The following DELE1 variants were observed in gnomAD, a reference collection of about 807,000 sequenced individuals.
DELE1 encodes DAP3 binding cell death enhancer 1.
In DELE1, 54 loss-of-function variants were observed where a neutral mutation model predicts 59.3. That is an observed-to-expected ratio of 0.91 (90% CI 0.73 to 1.14). DELE1 has a LOEUF of 1.14. DELE1 is among the 50% of genes most tolerant of loss of function. The pLI is 0.00. For synonymous variants in DELE1, 264 were observed against 259.1 expected (o/e 1.02, Z -0.18); for missense variants, 636 against 643.9 (o/e 0.99, Z 0.13).
chr5:141,934,282 C>G lies in DELE1; in HGVS notation c.940C>G (p.Leu314Val), dbSNP rs777445848. ...YQLAASQGHS[L>V]AQYRYARCLL... is the part of the protein sequence containing the mutation. ...GTTGGCTGCCAGCCAGGGCCACAGC[C>G]TGGCTCAGTACCGCTATGCCAGGTG... Residue 314 changes from leucine (L) to valine (V), a missense_variant, in exon 9 of 12, where the codon CTG (leucine) becomes GTG (valine). By Grantham distance (32) the Leu-to-Val change is conservative. Transcript: ENST00000432126. 9.9e-6 allele frequency: 16 copies of G among 1,613,850 alleles called. No individual in the cohort carries two copies. In the East Asian group the frequency reaches 3.6e-4, roughly 36 times the overall value.
chr5:141,925,690 A>AC (rs1483013072), intron 3 of DELE1, among the ~76,000 whole-genome samples, 163 bp downstream of exon 3: 1 of 151,538 alleles, frequency 6.6e-6, no homozygotes, highest in Admixed American at 6.6e-5. Context: ...CACTTTCCAC[A>AC]CCCCCGCCAT....
rs771578931 is a variant in DELE1 at position 141,939,919 on chromosome 5, G to A, written c.*1160G>A. 9 of 780,836 alleles carry A rather than the reference G, an allele frequency of 1.2e-5. No homozygotes were observed. The highest frequency in any genetic ancestry group is 6.5e-4 in the Middle Eastern group (1 of 1,546). The allele number at this position is 780,836 out of a possible 1,614,324, so 48.4% of individuals were successfully genotyped here. ...TCATGGTTGCATGACTTTATGAGTC[G>A]CTGGGCCAGGGTGAGGACCTGGGCC... On this transcript the variant is annotated 3_prime_UTR_variant, in exon 12 of 12. Transcript: ENST00000432126.
chr5:141,930,955 T>C lies in DELE1; in HGVS notation c.754+681T>C, dbSNP rs140929860. Among the ~76,000 whole-genome samples, 7 of 152,348 alleles carry C rather than the reference T, an allele frequency of 4.6e-5. No homozygotes were observed. The East Asian group carries it at 1.3e-3, about 29-fold the overall frequency. On this transcript the variant is annotated intron_variant, in intron 7 of 11. Coordinates refer to ENST00000432126, the MANE Select transcript of DELE1 (RefSeq NM_014773.5). ...TGAGCATTTACCTTTTGCCAGTTCC[T>C]GTTTTAGGTACTGGGGATACAGTGA...
At position 141,939,844 on chromosome 5, in the gene DELE1, C is replaced by T; in HGVS notation, c.*1085C>T. Reference sequence around the variant, plus strand: ...TTAGAAGACAAATGCAAGGGCATTTCACCACAGAGAGGACCTTTGTGCTCA... The same window carrying T: ...TTAGAAGACAAATGCAAGGGCATTTTACCACAGAGAGGACCTTTGTGCTCA... On this transcript the variant is annotated 3_prime_UTR_variant, in exon 12 of 12. Coordinates refer to ENST00000432126, the MANE Select transcript of DELE1 (RefSeq NM_014773.5). 1 of 561,076 alleles carries T rather than the reference C, an allele frequency of 1.8e-6. No homozygotes were observed. The allele number at this position is 561,076 out of a possible 1,614,324, so 34.8% of individuals were successfully genotyped here.
rs1429715744 is a variant in DELE1 at position 141,939,352 on chromosome 5, T to C, written c.*593T>C. 2.2e-6 allele frequency: 2 copies of C among 926,278 alleles called. No homozygotes were observed. Among genetic ancestry groups the C allele is most frequent in the East Asian group, 2.4e-4 (2 of 8,476 alleles). The allele number at this position is 926,278 out of a possible 1,614,324, so 57.4% of individuals were successfully genotyped here. A position where few individuals can be genotyped will look rare whatever the true frequency, so the allele number is the denominator to read the frequency against. Reference sequence around the variant, plus strand: ...AACATAACGTAAAAGTGGGCACAGATCCAGAGAGGTAGCAAAAATCACAGG... The same window carrying C: ...AACATAACGTAAAAGTGGGCACAGACCCAGAGAGGTAGCAAAAATCACAGG... On this transcript the variant is annotated 3_prime_UTR_variant, in exon 12 of 12. Coordinates refer to ENST00000432126, the MANE Select transcript of DELE1 (RefSeq NM_014773.5).
Position 141,941,013 on chromosome 5 carries a change from C to T in DELE1, c.*2254C>T, listed in dbSNP as rs1241866741. The T allele has an allele frequency of 1.0e-6, 1 of 985,046 alleles. No homozygotes were observed. Among genetic ancestry groups the T allele is most frequent in the Non-Finnish European group, 1.2e-6 (1 of 829,686 alleles). 61.0% of individuals were successfully genotyped at this position (985,046 alleles called of 1,614,324 possible). ...GAACTTGGTTAACCCAATGTTTTCT[C>T]TCACTGAATTGAGCCCAGAGCCCGT... is the stretch of plus-strand genomic sequence containing the variant. On this transcript the variant is annotated 3_prime_UTR_variant, in exon 12 of 12. Transcript: ENST00000432126.
chr5:141,938,981 G>A lies in DELE1; in HGVS notation c.*222G>A. 2 of 1,375,210 alleles carry A rather than the reference G, an allele frequency of 1.5e-6. No individual in the cohort carries two copies. The highest frequency in any genetic ancestry group is 9.4e-7 in the Non-Finnish European group (1 of 1,066,378). 85.2% of individuals were successfully genotyped at this position (1,375,210 alleles called of 1,614,324 possible). A position where few individuals can be genotyped will look rare whatever the true frequency, so the allele number is the denominator to read the frequency against. On this transcript the variant is annotated 3_prime_UTR_variant, in exon 12 of 12. Transcript: ENST00000432126. Reference sequence around the variant, plus strand: ...ATGCATTCACAGTCATTTCTGGTCTGTGCACCAAAGGATGCATTCAGTGAC... The same window carrying A: ...ATGCATTCACAGTCATTTCTGGTCTATGCACCAAAGGATGCATTCAGTGAC...
chr5:141,932,771 G>A (rs901108784), intron 7 of DELE1, among the ~76,000 whole-genome samples: 9 of 152,120 alleles, frequency 5.9e-5, no homozygotes, highest in Non-Finnish European at 1.2e-4. Flanking sequence ...TGCTGTCCAT[G>A]GCAAACCAGT....
rs371474703 is a variant in DELE1, at chr5:141,941,965, ACACACG to A, written c.*3212_*3217del. The A allele has an allele frequency of 1.9e-3, 1,873 of 984,142 alleles. 28 individuals carry two copies. In the African/African-American group the frequency reaches 0.03, roughly 16 times the overall value. 61.0% of individuals were successfully genotyped at this position (984,142 alleles called of 1,614,324 possible). On this transcript the variant is annotated 3_prime_UTR_variant, in exon 12 of 12. Coordinates refer to ENST00000432126, the MANE Select transcript of DELE1 (RefSeq NM_014773.5). Reference sequence around the variant, plus strand: ...CCCCACTCGCCGCCTATACACACGCACACACGCACACACACACACACGGTTTCCTGT... The same window carrying A: ...CCCCACTCGCCGCCTATACACACGCACACACACACACACACGGTTTCCTGT...
chr5:141,929,601 C>T lies in DELE1; in HGVS notation c.432C>T (p.Leu144=). ...TTCCAGCACTGCGACAACACATCCT[C>T]CCCAGCCCCGATGGCCCAGCTCCCA... ...HPCSSLRQHI[L]PSPDGPAPRH... The change falls in exon 5 of 12, where the codon CTC becomes CTT. Residue 144 remains leucine (L), a synonymous_variant. Coordinates refer to ENST00000432126, the MANE Select transcript of DELE1 (RefSeq NM_014773.5). 1 of 1,613,938 alleles carries T rather than the reference C, an allele frequency of 6.2e-7. No individual in the cohort carries two copies. The highest frequency in any genetic ancestry group is 8.5e-7 in the Non-Finnish European group (1 of 1,180,016).
Position 141,938,650 on chromosome 5 carries a change from T to G in DELE1, c.1439T>G (p.Leu480Arg). 6.2e-7 allele frequency: 1 copy of G among 1,613,956 alleles called. No individual in the cohort carries two copies. The highest frequency in any genetic ancestry group is 8.5e-7 in the Non-Finnish European group (1 of 1,179,986). Residue 480 changes from leucine (L) to arginine (R), a missense_variant, in exon 12 of 12, where the codon CTC becomes CGC. Coordinates refer to ENST00000432126, the MANE Select transcript of DELE1 (RefSeq NM_014773.5). Reference protein sequence around the residue: ...PHASSTGNLGLLCRSGHLGAS... With the variant: ...PHASSTGNLGRLCRSGHLGAS... The stretch of plus-strand genomic sequence containing the variant: ...GCCTCGAGCACAGGCAACCTTGGCC[T>G]CCTCTGCAGAAGTGGGCATCTCGGA...
At position 141,934,239 on chromosome 5, in the gene DELE1, G is replaced by A; in HGVS notation, c.898-1G>A. 1.2e-6 allele frequency: 2 copies of A among 1,603,976 alleles called. No individual in the cohort carries two copies. The highest frequency in any genetic ancestry group is 8.5e-7 in the Non-Finnish European group (1 of 1,172,584). On this transcript the variant is annotated splice_acceptor_variant, in intron 8 of 11. Coordinates refer to ENST00000432126, the MANE Select transcript of DELE1 (RefSeq NM_014773.5). LOFTEE classifies it high-confidence loss of function. ...ACTGGGTGTTTCTCCCTTTGCCCCA[G>A]GCGGTCCTTTATTATCAGTTGGCTG...
chr5:141,928,033 T>C, intron 3 of DELE1, 118 bp from the exon 4 acceptor site: 1 of 1,130,380 alleles, frequency 8.8e-7, no homozygotes, highest in East Asian at 2.4e-5. Flanking sequence ...TTGTGAAAGT[T>C]TGTAGTCGGG....
Position 141,939,759 on chromosome 5 carries a change from T to C in DELE1, c.*1000T>C. The stretch of plus-strand genomic sequence containing the variant: ...GCCATGTCACCTTGAAGCTGTGACC[T>C]GACTCCCTATATTGTTTCCTCAGTT... On this transcript the variant is annotated 3_prime_UTR_variant, in exon 12 of 12. Coordinates refer to ENST00000432126, the MANE Select transcript of DELE1 (RefSeq NM_014773.5). 1.1e-6 allele frequency: 1 copy of C among 916,100 alleles called. No individual in the cohort carries two copies. The highest frequency in any genetic ancestry group is 1.3e-6 in the Non-Finnish European group (1 of 766,612). The allele number at this position is 916,100 out of a possible 1,614,324, so 56.7% of individuals were successfully genotyped here.
Position 141,928,314 on chromosome 5 carries a change from T to C in DELE1, c.412+16T>C, listed in dbSNP as rs1751593591. ...CCATGCTCCTGTGAGTTCTCAGTCCTGGGGACAGGAGGGCTGGGCTGGGCG... is the reference window on the plus strand; with the variant it reads ...CCATGCTCCTGTGAGTTCTCAGTCCCGGGGACAGGAGGGCTGGGCTGGGCG... On this transcript the variant is annotated intron_variant, in intron 4 of 11. Coordinates refer to ENST00000432126, the MANE Select transcript of DELE1 (RefSeq NM_014773.5). The C allele has an allele frequency of 6.2e-7, 1 of 1,612,474 alleles. No individual in the cohort carries two copies. The highest frequency in any genetic ancestry group is 8.5e-7 in the Non-Finnish European group (1 of 1,179,120).
chr5:141,937,361 C>T lies in DELE1; in HGVS notation c.1309+4C>T, dbSNP rs371163953. The stretch of plus-strand genomic sequence containing the variant: ...CTCTTTTCCATGGGGGCTGCAGGTA[C>T]AGACCCAAGTCCAAGCCAACAGGTT... On this transcript the variant is annotated splice_donor_region_variant and intron_variant, in intron 11 of 11. Coordinates refer to ENST00000432126, the MANE Select transcript of DELE1 (RefSeq NM_014773.5). 1.5e-4 allele frequency: 235 copies of T among 1,613,650 alleles called. No homozygotes were observed. The highest frequency in any genetic ancestry group is 3.4e-4 in the Middle Eastern group (2 of 5,936).
intron 10 of DELE1, chr5:141,935,047 T>C (rs750008663): frequency 1.2e-5 from 2 of 164,972 alleles, no homozygotes; most frequent in Non-Finnish European, 2.6e-5. Context: ...AACTAACAGG[T>C]GTGACAGTGC....
At chr5:141,936,578 G>A (rs1752376698) in intron 10 of DELE1, among the ~76,000 whole-genome samples, 1 of 152,102 alleles carries the variant, frequency 6.6e-6, no homozygotes, top group South Asian at 2.1e-4. Context: ...AGGGTTACAG[G>A]TGCACACCAC....
rs2126871160 is a variant in DELE1, at chr5:141,928,178, C to G, written c.292C>G (p.Leu98Val). The G allele has an allele frequency of 6.2e-7, 1 of 1,614,088 alleles. No homozygotes were observed. The highest frequency in any genetic ancestry group is 2.2e-5 in the East Asian group (1 of 44,888). Reference protein sequence around the residue: ...WGTLAVLALQLARQIHFQASL... With the variant: ...WGTLAVLALQVARQIHFQASL... ...CACTCTGGCCGTGCTGGCCCTGCAG[C>G]TGGCAAGGCAGATCCACTTCCAGGC... The change falls in exon 4 of 12, where the codon CTG becomes GTG. Residue 98 changes from leucine (L) to valine (V), a missense_variant. By Grantham distance (32) the Leu-to-Val change is conservative. Transcript: ENST00000432126.
Sources: allele counts gnomAD v4.1 joint callset (sites outside exome capture counted in the v4.1 genomes callset), GRCh38; gene constraint gnomAD v4.1.1; transcripts MANE v1.5; gene names NCBI Gene and HGNC (gene_info 2026-07-23, HGNC 2026-07-21).